ERGIC3: variants seen among roughly 807,000 people sequenced by gnomAD.
ERGIC3 encodes ERGIC and golgi 3.
Under a neutral mutation model 54.7 loss-of-function variants are expected in ERGIC3, and 33 were observed. The ratio of observed to expected loss-of-function variants is 0.60; its 90% CI spans 0.46 to 0.81. ERGIC3 has a LOEUF of 0.81. Ranked by LOEUF, ERGIC3 falls within the 30% of genes least tolerant of loss-of-function variation. ERGIC3 has a pLI of 0.00. For synonymous variants in ERGIC3, 186 were observed against 189.8 expected (o/e 0.98, Z 0.16); for missense variants, 399 against 488.4 (o/e 0.82, Z 1.73).
intron 7 of ERGIC3, 57 bp from the exon 8 acceptor site, chr20:35,554,987 G>A (rs1601367475): frequency 6.3e-7 from 1 of 1,592,616 alleles, no homozygotes; most frequent in South Asian, 1.1e-5. Context: ...GAAGGAGGAG[G>A]CCAGTGCTGC....
chr20:35,543,029 T>C (rs1311326838), intron 4 of ERGIC3, 88 bp downstream of exon 4: 1 of 1,589,106 alleles, frequency 6.3e-7, no homozygotes, highest in Admixed American at 1.7e-5. Context: ...GCAGGCATAG[T>C]GATACATTAA....
At chr20:35,554,012 C>T (rs2064697841) in intron 7 of ERGIC3, among the ~76,000 whole-genome samples, 2 of 152,164 alleles carry the variant, frequency 1.3e-5, no homozygotes, top group Non-Finnish European at 2.9e-5. Flanking sequence ...TAATCTCTTA[C>T]AGTGTAAAGT....
chr20:35,554,235 G>A, intron 7 of ERGIC3: 1 of 1,154,150 alleles, frequency 8.7e-7, no homozygotes, highest in Non-Finnish European at 1.3e-6. Context: ...CCCAGAAGGA[G>A]GCTTGTTAGC....
At chr20:35,555,534 T>C (rs2064706267) in intron 8 of ERGIC3, among the ~76,000 whole-genome samples, 1 of 152,164 alleles carries the variant, frequency 6.6e-6, no homozygotes, top group South Asian at 2.1e-4. Flanking sequence ...TGTCTGAGGC[T>C]GATACACAAG....
At chr20:35,548,961 G>C in intron 7 of ERGIC3, 96 bp downstream of exon 7, 1 of 1,469,588 alleles carries the variant, frequency 6.8e-7, no homozygotes, top group Non-Finnish European at 9.5e-7. Flanking sequence ...TTTGTCTTGG[G>C]CAACCATTTG....
intron 4 of ERGIC3, chr20:35,543,953 G>C (rs1223411530): frequency 3.1e-6 from 1 of 319,652 alleles, no homozygotes; most frequent in African/African-American, 2.2e-5. Context: ...GGGTGATTCG[G>C]GATTAGGGTA....
intron 7 of ERGIC3, among the ~76,000 whole-genome samples, chr20:35,549,954 A>G (rs2064672941): frequency 6.6e-6 from 1 of 151,900 alleles, no homozygotes; most frequent in African/African-American, 2.4e-5. Flanking sequence ...AATATTTTCA[A>G]CTTGCAATGG....
chr20:35,548,524 T>C lies in ERGIC3; in HGVS notation c.477T>C (p.Cys159=). 1 of 1,614,112 alleles carries C rather than the reference T, an allele frequency of 6.2e-7. No individual in the cohort carries two copies. Among genetic ancestry groups the C allele is most frequent in the Non-Finnish European group, 8.5e-7 (1 of 1,180,016 alleles). ...TGCCCTACAGGTGCTGTAACACCTG[T>C]GAAGATGTGCGGGAGGCATATCGCC... ...EAEDIKCCNT[C]EDVREAYRRR... Residue 159 remains cysteine (C), a synonymous_variant, in exon 6 of 13, where the codon TGT becomes TGC. Transcript: ENST00000348547.
At position 35,547,511 on chromosome 20, in the gene ERGIC3, C is replaced by T. The variant is rs770269912; in HGVS notation, c.461+6C>T. On this transcript the variant is annotated splice_donor_region_variant and intron_variant, in intron 5 of 12. Transcript: ENST00000348547. The stretch of plus-strand genomic sequence containing the variant: ...GCTGAGGCAGAAGATATCAAGTGAG[C>T]TGGCGGGGAGCGGGAGCAGGGTTCC... The T allele has an allele frequency of 1.2e-5, 20 of 1,613,330 alleles. No homozygotes were observed. Among genetic ancestry groups the T allele is most frequent in the African/African-American group, 2.7e-5 (2 of 74,878 alleles).
At chr20:35,554,988 C>A in intron 7 of ERGIC3, 56 bp from the exon 8 acceptor site, 1 of 1,593,064 alleles carries the variant, frequency 6.3e-7, no homozygotes, top group Non-Finnish European at 8.6e-7. Flanking sequence ...AAGGAGGAGG[C>A]CAGTGCTGCT....
At chr20:35,555,947 C>T in intron 8 of ERGIC3, 86 bp from the exon 9 acceptor site, 1 of 1,289,612 alleles carries the variant, frequency 7.8e-7, no homozygotes. Flanking sequence ...TCCCCTTCCT[C>T]CCACATCTCC....
At chr20:35,556,653 G>A in intron 10 of ERGIC3, 3 of 505,908 alleles carry the variant, frequency 5.9e-6, no homozygotes, top group Middle Eastern at 5.4e-4. Flanking sequence ...GAGGGGCTGA[G>A]GGCAGAGGAA....
chr20:35,543,927 T>C (rs781247228), intron 4 of ERGIC3: 17 of 333,896 alleles, frequency 5.1e-5, no homozygotes, highest in Non-Finnish European at 1.0e-4. Flanking sequence ...GTCAGGAATT[T>C]AGGAGTGGCT....
At chr20:35,547,571 A>T in intron 5 of ERGIC3, 66 bp downstream of exon 5, 1 of 1,470,172 alleles carries the variant, frequency 6.8e-7, no homozygotes, top group Non-Finnish European at 9.5e-7. Flanking sequence ...CCTCAGCCTC[A>T]GTCAGACTGT....
At position 35,553,020 on chromosome 20, in the gene ERGIC3, A is replaced by ATTTTTTTTTTTTTTTTTTT. The variant is rs141438822; in HGVS notation, c.686-2014_686-1996dup. 3.3e-3 allele frequency among the ~76,000 whole-genome samples: 136 copies of ATTTTTTTTTTTTTTTTTTT among 41,562 alleles called. 54 individuals are homozygous for ATTTTTTTTTTTTTTTTTTT. Among genetic ancestry groups the ATTTTTTTTTTTTTTTTTTT allele is most frequent in the Admixed American group, 9.9e-3 (22 of 2,214 alleles). 27.3% of individuals were successfully genotyped at this position (41,562 alleles called of 152,430 possible). Reference sequence around the variant, plus strand: ...TTTGCCCTGAGCTTCAAAGCTGGGGATTTTTTTTTTTTTTTTTTTTTTTTT... The same window carrying ATTTTTTTTTTTTTTTTTTT: ...TTTGCCCTGAGCTTCAAAGCTGGGGATTTTTTTTTTTTTTTTTTTTTTTTTTTTTTTTTTTTTTTTTTTT... On this transcript the variant is annotated intron_variant, in intron 7 of 12. Coordinates refer to ENST00000348547, the MANE Select transcript of ERGIC3 (RefSeq NM_015966.3).
At position 35,547,550 on chromosome 20, in the gene ERGIC3, C is replaced by T. The variant is rs189890419; in HGVS notation, c.461+45C>T. 40 of 1,566,644 alleles carry T rather than the reference C, an allele frequency of 2.6e-5. No individual in the cohort carries two copies. In the East Asian group the frequency reaches 8.1e-4, roughly 32 times the overall value. On this transcript the variant is annotated intron_variant, in intron 5 of 12. Coordinates refer to ENST00000348547, the MANE Select transcript of ERGIC3 (RefSeq NM_015966.3). ...GAGCAGGGTTCCCATCAGGCGCCATCTGTCAGTCAGCCTCAGCCTCAGTCA... is the reference window on the plus strand; with the variant it reads ...GAGCAGGGTTCCCATCAGGCGCCATTTGTCAGTCAGCCTCAGCCTCAGTCA...
rs1166505456 is a variant in ERGIC3, at chr20:35,557,502, T to TAGTC, written c.1152_*3dup. 11 of 1,613,760 alleles carry TAGTC rather than the reference T, an allele frequency of 6.8e-6. No homozygotes were observed. The highest frequency in any genetic ancestry group is 9.3e-6 in the Non-Finnish European group (11 of 1,179,828). ...GAAAATTGATCTAGGGAAGACAACG[T>TAGTC]AGTCACCCTCGGTGCTTCCTCTGTC... On this transcript the variant is annotated frameshift_variant and stop_retained_variant, in exon 13 of 13. Coordinates refer to ENST00000348547, the MANE Select transcript of ERGIC3 (RefSeq NM_015966.3). LOFTEE classifies it high-confidence loss of function.
intron 7 of ERGIC3, chr20:35,554,307 CTCTCATAGT>C (rs1296671085): frequency 6.3e-7 from 1 of 1,598,384 alleles, no homozygotes; most frequent in Non-Finnish European, 8.6e-7. Context: ...ACATATCTTG[CTCTCATAGT>C]TCTCATTGTG....
At chr20:35,553,151 C>T (rs1033881862) in intron 7 of ERGIC3, among the ~76,000 whole-genome samples, 1 of 143,398 alleles carries the variant, frequency 7.0e-6, no homozygotes, top group Admixed American at 7.3e-5. Flanking sequence ...ACCACAGGCA[C>T]ATGCCACCAT....
Sources: gnomAD v4.1 joint callset for allele counts (sites outside exome capture counted in the v4.1 genomes callset) on GRCh38, gnomAD v4.1.1 for gene constraint, MANE v1.5 for transcripts, NCBI Gene and HGNC (gene_info 2026-07-23, HGNC 2026-07-21) for gene names.